FETUB: variants seen among roughly 807,000 people sequenced by gnomAD.
FETUB encodes fetuin-B.
In FETUB, 28 loss-of-function variants were observed where a neutral mutation model predicts 30.9. The observed-to-expected ratio is 0.90, with a 90% confidence interval of 0.67 to 1.24. The LOEUF (loss-of-function observed/expected upper bound fraction) is 1.24, where lower values mean the gene tolerates loss of function less well. Among genes scored for constraint, FETUB ranks in the 50% most tolerant of loss-of-function variants. The pLI, the probability that FETUB is intolerant of heterozygous loss-of-function variation, is 0.00. For synonymous variants in FETUB, 186 were observed against 175.9 expected (o/e 1.06, Z -0.45); for missense variants, 469 against 455.3 (o/e 1.03, Z -0.27).
chr3:186,651,120 A>C (rs923240777), intron 5 of FETUB, 98 bp from the exon 6 acceptor site: 1 of 776,922 alleles, frequency 1.3e-6, no homozygotes, highest in African/African-American at 1.7e-5. Context: ...GAAGCATAAA[A>C]ATGTTGATTG....
At chr3:186,649,952 T>C (rs1717866029) in intron 5 of FETUB, among the ~76,000 whole-genome samples, 1 of 152,188 alleles carries the variant, frequency 6.6e-6, no homozygotes, top group Non-Finnish European at 1.5e-5. Flanking sequence ...TCCATCCATG[T>C]TGATGCAACG....
upstream of FETUB, chr3:186,640,241 C>T (rs1716922700): frequency 5.2e-6 from 3 of 577,990 alleles, no homozygotes; most frequent in Non-Finnish European, 9.3e-6. Context: ...TTTGTATGTA[C>T]AGGTGGATAT....
At chr3:186,639,122 G>A (rs888535499), upstream of FETUB, among the ~76,000 whole-genome samples, 2 of 152,198 alleles carry the variant, frequency 1.3e-5, no homozygotes, top group African/African-American at 4.8e-5. Flanking sequence ...GGGGGGCTGG[G>A]AAGTCTAAGA....
intron 5 of FETUB, among the ~76,000 whole-genome samples, chr3:186,647,879 T>A (rs937795807): frequency 6.6e-6 from 1 of 152,184 alleles, no homozygotes; most frequent in Non-Finnish European, 1.5e-5. Context: ...TTATTTTGAA[T>A]ATGCTTTTAA....
intron 3 of FETUB, among the ~76,000 whole-genome samples, chr3:186,642,985 G>T (rs1215075657): frequency 2.6e-5 from 4 of 152,084 alleles, no homozygotes; most frequent in Non-Finnish European, 1.5e-5. Context: ...CCTCTGCTGA[G>T]CATGCCCTCC....
In FETUB at chr3:186,652,665, C is replaced by T. The variant is rs150042143; in HGVS notation, c.*34C>T. On this transcript the variant is annotated 3_prime_UTR_variant, in exon 7 of 7. Transcript: ENST00000265029. ...CAGAGTCTTCTGTAGGGGTATGGTG[C>T]GCCGCATGACATGGGAGGCGATGGG... The T allele has an allele frequency of 0.028, 43,536 of 1,554,708 alleles. 734 individuals carry two copies. Among genetic ancestry groups the T allele is most frequent in the Middle Eastern group, 0.061 (258 of 4,210 alleles).
At chr3:186,637,270 G>A (rs1716803152), upstream of FETUB, among the ~76,000 whole-genome samples, 1 of 152,158 alleles carries the variant, frequency 6.6e-6, no homozygotes, top group Non-Finnish European at 1.5e-5. Context: ...AAAAGATAAA[G>A]GGAGGAAAGG....
At chr3:186,649,438 G>A (rs911853576) in intron 5 of FETUB, among the ~76,000 whole-genome samples, 6 of 152,022 alleles carry the variant, frequency 3.9e-5, no homozygotes, top group African/African-American at 1.4e-4. Context: ...CCCAAATAGT[G>A]TACATTGTAT....
intron 4 of FETUB, among the ~76,000 whole-genome samples, chr3:186,645,721 C>CTTTTTTTTT (rs35992832): frequency 2.5e-5 from 2 of 79,582 alleles, no homozygotes; most frequent in African/African-American, 1.1e-4. Context: ...CCATTCAAAT[C>CTTTTTTTTT]TTTTTTTTTT....
chr3:186,639,542 C>G (rs953937760), upstream of FETUB, among the ~76,000 whole-genome samples: 14 of 151,686 alleles, frequency 9.2e-5, no homozygotes, highest in African/African-American at 3.4e-4. Context: ...TCTCTTTTCT[C>G]TCATGACAAA....
chr3:186,636,178 G>A (rs923216399), upstream of FETUB: 3 of 152,314 alleles, frequency 2.0e-5, no homozygotes, highest in African/African-American at 4.8e-5. Context: ...GCTTCCCTGA[G>A]AGGACTGCGC....
At position 186,652,366 on chromosome 3, in the gene FETUB, C is replaced by T. The variant is rs1220613881; in HGVS notation, c.884C>T (p.Pro295Leu). The change falls in exon 7 of 7, where the codon CCC (proline) becomes CTC (leucine). Residue 295 changes from proline (P) to leucine (L), a missense_variant. Coordinates refer to ENST00000265029, the MANE Select transcript of FETUB (RefSeq NM_014375.3). Reference sequence around the variant, plus strand: ...AAAAACACCCCCCCAACAGACTCCCCCTCCAAAGCTGGGCCAAGAGGATCT... The same window carrying T: ...AAAAACACCCCCCCAACAGACTCCCTCTCCAAAGCTGGGCCAAGAGGATCT... ...QQKNTPPTDSPSKAGPRGSVQ... is the reference protein window; with the variant it reads ...QQKNTPPTDSLSKAGPRGSVQ... 7 of 1,612,056 alleles carry T rather than the reference C, an allele frequency of 4.3e-6. No homozygotes were observed. Among genetic ancestry groups the T allele is most frequent in the Non-Finnish European group, 5.9e-6 (7 of 1,178,586 alleles).
At chr3:186,643,023 C>G (rs1487770359) in intron 3 of FETUB, among the ~76,000 whole-genome samples, 1 of 152,180 alleles carries the variant, frequency 6.6e-6, no homozygotes, top group Non-Finnish European at 1.5e-5. Context: ...TTGGGACACA[C>G]CTATTCTTTA....
At chr3:186,641,269 T>C (rs1360368851) in intron 2 of FETUB, 129 bp downstream of exon 2, 5 of 644,174 alleles carry the variant, frequency 7.8e-6, no homozygotes, top group Non-Finnish European at 1.4e-5. Flanking sequence ...TCCTGGCAGG[T>C]GCCCATAAGC....
At chr3:186,650,126 G>C (rs1381644150) in intron 5 of FETUB, among the ~76,000 whole-genome samples, 1 of 122,780 alleles carries the variant, frequency 8.1e-6, no homozygotes, top group African/African-American at 3.1e-5. Context: ...AAATATACAA[G>C]TGCAGTTGTC....
intron 3 of FETUB, 33 bp from the exon 4 acceptor site, chr3:186,644,718 G>A (rs2108525924): frequency 3.3e-6 from 5 of 1,532,414 alleles, no homozygotes; most frequent in Non-Finnish European, 3.5e-6. Context: ...AAAATTAATA[G>A]CATTTAAAAA....
chr3:186,640,768 C>T, intron 1 of FETUB, 83 bp downstream of exon 1: 1 of 1,151,782 alleles, frequency 8.7e-7, no homozygotes, highest in Non-Finnish European at 1.3e-6. Flanking sequence ...CCAGAGACAC[C>T]CTGGCAGGTG....
upstream of FETUB, among the ~76,000 whole-genome samples, chr3:186,637,647 G>A (rs896696227): frequency 6.6e-6 from 1 of 152,166 alleles, no homozygotes. Flanking sequence ...TTCACCTGGC[G>A]ATGCATCCAT....
At position 186,642,247 on chromosome 3, in the gene FETUB, CACAGT is replaced by C. The variant is rs1279159363; in HGVS notation, c.337-223_337-219del. ...TTCCTGTGGTTAGAACTCAATTATA[CACAGT>C]CACACGTGTTGGGGAGGCTTGGAAA... On this transcript the variant is annotated intron_variant, in intron 2 of 6. Coordinates refer to ENST00000265029, the MANE Select transcript of FETUB (RefSeq NM_014375.3). 52 of 503,742 alleles carry C rather than the reference CACAGT, an allele frequency of 1.0e-4. No individual in the cohort carries two copies. The East Asian group carries it at 1.6e-3, about 16-fold the overall frequency. 31.2% of individuals were successfully genotyped at this position (503,742 alleles called of 1,614,324 possible).
Sources: allele counts gnomAD v4.1 joint callset (sites outside exome capture counted in the v4.1 genomes callset), GRCh38; gene constraint gnomAD v4.1.1; transcripts MANE v1.5; gene names NCBI Gene and HGNC (gene_info 2026-07-23, HGNC 2026-07-21).